IMMP2L: variants seen among roughly 807,000 people sequenced by gnomAD.
IMMP2L encodes inner mitochondrial membrane peptidase subunit 2.
A neutral mutation model predicts 19.3 loss-of-function variants in IMMP2L; 18 were observed. That is an observed-to-expected ratio of 0.93 (90% CI 0.64 to 1.38). IMMP2L has a LOEUF of 1.38. Ranked by LOEUF, IMMP2L falls within the 40% of genes most tolerant of loss-of-function variation. The probability of loss-of-function intolerance (pLI) is 0.00; values close to 1 mark genes in which losing one functional copy is unlikely to be tolerated. For synonymous variants in IMMP2L, 76 were observed against 73.0 expected, an observed-to-expected ratio of 1.04 and a Z score of -0.21; for missense variants, 233 against 218.2, an observed-to-expected ratio of 1.07 and a Z score of -0.43.
intron 3 of IMMP2L, among the ~76,000 whole-genome samples, chr7:111,002,841 C>A (rs1340935539): frequency 6.6e-6 from 1 of 152,250 alleles, no homozygotes; most frequent in South Asian, 2.1e-4. Flanking sequence ...CACTTGTAGT[C>A]TGTTTTGTTT....
intron 2 of IMMP2L, among the ~76,000 whole-genome samples, chr7:111,490,735 T>C (rs779821767): frequency 7.9e-5 from 12 of 152,088 alleles, no homozygotes; most frequent in Non-Finnish European, 1.6e-4. Flanking sequence ...AGGAAAATGG[T>C]GATGAATAAT....
chr7:111,109,676 G>A (rs1177627670), intron 3 of IMMP2L, among the ~76,000 whole-genome samples: 1 of 152,172 alleles, frequency 6.6e-6, no homozygotes, highest in Non-Finnish European at 1.5e-5. Context: ...GGGTATAACT[G>A]CACATGCTGA....
intron 1 of IMMP2L, among the ~76,000 whole-genome samples, chr7:111,546,998 G>A (rs1197473936): frequency 6.6e-6 from 1 of 152,140 alleles, no homozygotes; most frequent in Non-Finnish European, 1.5e-5. Context: ...AAAAGCTGAA[G>A]AGGCAAGCAG....
At chr7:111,055,793 T>C (rs1262535736) in intron 3 of IMMP2L, among the ~76,000 whole-genome samples, 1 of 152,182 alleles carries the variant, frequency 6.6e-6, no homozygotes, top group African/African-American at 2.4e-5. Flanking sequence ...CCTATAAGCA[T>C]CAGCCTAACC....
chr7:110,674,284 C>T (rs1172693943), intron 5 of IMMP2L, among the ~76,000 whole-genome samples: 2 of 152,144 alleles, frequency 1.3e-5, no homozygotes, highest in Non-Finnish European at 2.9e-5. Context: ...GGGAAACTGC[C>T]TCCATGATTC....
chr7:111,185,513 T>C (rs1808170779), intron 3 of IMMP2L, among the ~76,000 whole-genome samples: 1 of 152,126 alleles, frequency 6.6e-6, no homozygotes, highest in Non-Finnish European at 1.5e-5. Context: ...ATCTACAGGT[T>C]GTGAGCATAT....
chr7:111,074,668 G>C (rs1795237916), intron 3 of IMMP2L, among the ~76,000 whole-genome samples: 1 of 152,072 alleles, frequency 6.6e-6, no homozygotes, highest in South Asian at 2.1e-4. Flanking sequence ...CTTCCTAATG[G>C]GGCTTGATCA....
chr7:111,105,322 T>C (rs1352298386), intron 3 of IMMP2L, among the ~76,000 whole-genome samples: 2 of 151,918 alleles, frequency 1.3e-5, no homozygotes, highest in African/African-American at 2.4e-5. Context: ...GTTAACATCA[T>C]GTATAAAACT....
chr7:110,790,457 G>C (rs1002853288), intron 5 of IMMP2L, among the ~76,000 whole-genome samples: 2 of 151,848 alleles, frequency 1.3e-5, no homozygotes, highest in Non-Finnish European at 2.9e-5. Context: ...GACCAGTCCA[G>C]AGGCTTTTGC....
intron 5 of IMMP2L, among the ~76,000 whole-genome samples, chr7:110,882,017 G>A (rs1809690023): frequency 6.6e-6 from 1 of 152,124 alleles, no homozygotes; most frequent in Non-Finnish European, 1.5e-5. Context: ...GCTACAATGT[G>A]TTGTGAAGGA....
At chr7:111,326,131 G>T (rs1394960577) in intron 3 of IMMP2L, among the ~76,000 whole-genome samples, 1 of 151,106 alleles carries the variant, frequency 6.6e-6, no homozygotes, top group African/African-American at 2.4e-5. Flanking sequence ...ATTACTTTCA[G>T]GTCTATAAAG....
intron 5 of IMMP2L, among the ~76,000 whole-genome samples, chr7:110,845,312 G>C (rs1805553954): frequency 6.6e-6 from 1 of 152,028 alleles, no homozygotes; most frequent in Admixed American, 6.6e-5. Flanking sequence ...GTTCCTGAGA[G>C]AGCTTTTGAG....
chr7:111,454,839 T>C (rs1000531466), intron 3 of IMMP2L, among the ~76,000 whole-genome samples: 3 of 152,016 alleles, frequency 2.0e-5, no homozygotes, highest in Non-Finnish European at 4.4e-5. Context: ...CACAGCTAGA[T>C]GGAATGATGA....
chr7:110,850,326 C>T lies in IMMP2L; in HGVS notation c.408+36267G>A, dbSNP rs139919864. On this transcript the variant is annotated intron_variant, in intron 5 of 5. Transcript: ENST00000405709. ...CCAATGCCATGACAGTTTACAGATG[C>T]AATGACAATGACCCAGAAGTTACCA... Among the ~76,000 whole-genome samples the T allele has an allele frequency of 2.1e-3, 317 of 152,178 alleles. 2 individuals are homozygous for T. Among genetic ancestry groups the T allele is most frequent in the African/African-American group, 7.2e-3 (299 of 41,540 alleles).
intron 3 of IMMP2L, among the ~76,000 whole-genome samples, chr7:111,141,481 C>T (rs1018129885): frequency 6.6e-6 from 1 of 151,254 alleles, no homozygotes; most frequent in Non-Finnish European, 1.5e-5. Context: ...CAGATAATCA[C>T]TGCCTTAGCT....
chr7:110,763,801 G>A (rs1328156110), intron 5 of IMMP2L, among the ~76,000 whole-genome samples: 2 of 152,074 alleles, frequency 1.3e-5, no homozygotes, highest in Non-Finnish European at 2.9e-5. Flanking sequence ...AGAAAACTGC[G>A]AATATTTTAT....
At chr7:111,061,283 A>G (rs1436127463) in intron 3 of IMMP2L, among the ~76,000 whole-genome samples, 2 of 152,190 alleles carry the variant, frequency 1.3e-5, no homozygotes, top group African/African-American at 2.4e-5. Context: ...CTAGTGAGCC[A>G]TATATACTAG....
At chr7:110,725,152 T>A (rs1439428352) in intron 5 of IMMP2L, among the ~76,000 whole-genome samples, 1 of 152,150 alleles carries the variant, frequency 6.6e-6, no homozygotes, top group Non-Finnish European at 1.5e-5. Context: ...ACCTTATCAC[T>A]GACACCACAA....
At chr7:111,194,259 A>T (rs1450039029) in intron 3 of IMMP2L, among the ~76,000 whole-genome samples, 1 of 152,138 alleles carries the variant, frequency 6.6e-6, no homozygotes, top group African/African-American at 2.4e-5. Context: ...TTTTCAATAA[A>T]CATTTGATGA....
Sources: gnomAD v4.1 joint callset for allele counts (sites outside exome capture counted in the v4.1 genomes callset) on GRCh38, gnomAD v4.1.1 for gene constraint, MANE v1.5 for transcripts, NCBI Gene and HGNC (gene_info 2026-07-23, HGNC 2026-07-21) for gene names.